Variants in AEBP2 observed in about 807,000 individuals in gnomAD.
AEBP2 encodes the protein zinc finger protein AEBP2.
In AEBP2, 10 loss-of-function variants were observed where a neutral mutation model predicts 50.8. The ratio of observed to expected loss-of-function variants is 0.20; its 90% CI spans 0.12 to 0.33. AEBP2 has a LOEUF of 0.33. Ranked by LOEUF, AEBP2 falls within the 10% of genes least tolerant of loss-of-function variation. AEBP2 has a pLI of 1.00. For missense variants in AEBP2, 570 were observed against 688.0 expected (o/e 0.83, Z 1.92); for synonymous variants, 296 against 261.3 (o/e 1.13, Z -1.28).
At chr12:19,493,595 T>C (rs17280414) in intron 3 of AEBP2, among the ~76,000 whole-genome samples, 10,969 of 152,242 alleles carry the variant, frequency 0.072, 502 homozygotes, top group Middle Eastern at 0.17. Context: ...TTGTTGCATT[T>C]TCAAGCTTTG....
intron 3 of AEBP2, among the ~76,000 whole-genome samples, chr12:19,485,215 C>G (rs1948788538): frequency 6.6e-6 from 1 of 151,654 alleles, no homozygotes; most frequent in African/African-American, 2.4e-5. Flanking sequence ...TTTGTTTTTT[C>G]CAAATCCTCT....
chr12:19,500,892 A>T (rs1188901584), intron 5 of AEBP2, among the ~76,000 whole-genome samples: 1 of 152,218 alleles, frequency 6.6e-6, no homozygotes, highest in African/African-American at 2.4e-5. Context: ...ATAGAGAGTT[A>T]TTCTTTCTTC....
intron 1 of AEBP2, chr12:19,456,913 G>A (rs1948279478): frequency 1.3e-5 from 18 of 1,438,332 alleles, no homozygotes; most frequent in Non-Finnish European, 1.8e-5. Flanking sequence ...CTTGTTAGTT[G>A]GATGAGTTGG....
At chr12:19,483,478 G>A (rs1948760737) in intron 3 of AEBP2, among the ~76,000 whole-genome samples, 2 of 152,036 alleles carry the variant, frequency 1.3e-5, no homozygotes, top group South Asian at 4.2e-4. Flanking sequence ...TCTTTGAAAG[G>A]ATCTGTGAAT....
At chr12:19,483,792 T>C (rs984354563) in intron 3 of AEBP2, among the ~76,000 whole-genome samples, 2 of 152,218 alleles carry the variant, frequency 1.3e-5, no homozygotes, top group South Asian at 2.1e-4. Flanking sequence ...TTGTTACAAA[T>C]AGTGCTATAG....
intron 1 of AEBP2, among the ~76,000 whole-genome samples, chr12:19,446,683 G>A (rs1179212199): frequency 6.7e-6 from 1 of 149,478 alleles, no homozygotes; most frequent in Admixed American, 6.8e-5. Context: ...AGTGAGCAGA[G>A]TTTGCGCCAC....
chr12:19,487,309 A>T (rs1048832995), intron 3 of AEBP2, among the ~76,000 whole-genome samples: 1 of 152,140 alleles, frequency 6.6e-6, no homozygotes, highest in Non-Finnish European at 1.5e-5. Flanking sequence ...CATAATTTAT[A>T]TACATAAAAT....
At position 19,479,086 on chromosome 12, in the gene AEBP2, G is replaced by C. The variant is rs116133075; in HGVS notation, c.987+5731G>C. ...TAGTTGAACATGGTGGTGCACACTT[G>C]TAGTCCTAGCTATGCGGGAGGCTGA... On this transcript the variant is annotated intron_variant, in intron 3 of 7. Transcript: ENST00000266508. Among the ~76,000 whole-genome samples the C allele has an allele frequency of 5.2e-3, 799 of 152,234 alleles. 6 individuals are homozygous for C. Among genetic ancestry groups the C allele is most frequent in the African/African-American group, 0.018 (763 of 41,550 alleles).
chr12:19,439,056 G>A (rs1203400231), upstream of AEBP2, among the ~76,000 whole-genome samples: 1 of 152,194 alleles, frequency 6.6e-6, no homozygotes, highest in African/African-American at 2.4e-5. Context: ...ATCTCCAGGG[G>A]TATTCAAACA....
At position 19,446,086 on chromosome 12, in the gene AEBP2, A is replaced by G. The variant is rs189993085; in HGVS notation, c.671+5716A>G. On this transcript the variant is annotated intron_variant, in intron 1 of 7. Coordinates refer to ENST00000266508, the MANE Select transcript of AEBP2 (RefSeq NM_153207.5). The stretch of plus-strand genomic sequence containing the variant: ...TTATCTATTGGTAAAAAGTTTTGGA[A>G]TAAGTTTTCTAGTAATGGCAGTGGT... 5.3e-4 allele frequency: 69 copies of G among 129,992 alleles called. 1 individual carries two copies. Among genetic ancestry groups the G allele is most frequent in the Admixed American group, 2.4e-3 (32 of 13,262 alleles). The allele number at this position is 129,992 out of a possible 1,614,324, so 8.1% of individuals were successfully genotyped here.
intron 3 of AEBP2, among the ~76,000 whole-genome samples, chr12:19,491,992 C>CAATT (rs201723033): frequency 0.017 from 2,572 of 152,138 alleles, 75 homozygotes; most frequent in African/African-American, 0.058. Context: ...ATTTTAGCAG[C>CAATT]TTACAATTGG....
intron 1 of AEBP2, among the ~76,000 whole-genome samples, chr12:19,457,898 AAC>A (rs1390798175): frequency 2.0e-5 from 3 of 152,290 alleles, no homozygotes; most frequent in African/African-American, 7.2e-5. Context: ...AAGTTTGAGA[AAC>A]ACTGCTTTAG....
chr12:19,443,332 A>G (rs2163224), intron 1 of AEBP2, among the ~76,000 whole-genome samples: 44,200 of 151,144 alleles, frequency 0.29, 7,564 homozygotes, highest in African/African-American at 0.49. Flanking sequence ...CTTGACCTCA[A>G]ATGATCCTCC....
chr12:19,509,385 A>T (rs1205799856), intron 5 of AEBP2: 1 of 172,376 alleles, frequency 5.8e-6, no homozygotes, highest in African/African-American at 2.4e-5. Context: ...TCTTAATAAT[A>T]ACATGGCTTT....
At chr12:19,488,902 G>C (rs751068921) in intron 3 of AEBP2, among the ~76,000 whole-genome samples, 8 of 152,066 alleles carry the variant, frequency 5.3e-5, no homozygotes. Flanking sequence ...CTATTCTCCT[G>C]CTTCATCCTC....
chr12:19,481,282 T>A (rs1948726291), intron 3 of AEBP2, among the ~76,000 whole-genome samples: 1 of 151,170 alleles, frequency 6.6e-6, no homozygotes, highest in South Asian at 2.1e-4. Flanking sequence ...TGTATTTTTT[T>A]AGTAGAGGCA....
chr12:19,446,616 C>T (rs1188808656), intron 1 of AEBP2, among the ~76,000 whole-genome samples: 1 of 151,950 alleles, frequency 6.6e-6, no homozygotes. Flanking sequence ...CCTGTAGTCC[C>T]AGCTACTTGG....
At position 19,440,008 on chromosome 12, in the gene AEBP2, C is replaced by T. The variant is rs915731722; in HGVS notation, c.309C>T (p.Asp103=). The T allele has an allele frequency of 1.3e-6, 2 of 1,520,148 alleles. No homozygotes were observed. The highest frequency in any genetic ancestry group is 1.8e-6 in the Non-Finnish European group (2 of 1,140,188). The allele number at this position is 1,520,148 out of a possible 1,614,324, so 94.2% of individuals were successfully genotyped here. A position where few individuals can be genotyped will look rare whatever the true frequency, so the allele number is the denominator to read the frequency against. The part of the protein sequence containing the change: ...AGEDEDEEED[D]EEEEDESSSS... ...AGGACGAAGACGAGGAGGAGGACGA[C>T]GAGGAGGAGGAAGATGAGAGCAGCA... is the stretch of plus-strand genomic sequence containing the variant. Residue 103 remains aspartate, a synonymous_variant, in exon 1 of 8, where the codon GAC becomes GAT. Coordinates refer to ENST00000266508, the MANE Select transcript of AEBP2 (RefSeq NM_153207.5).
intron 1 of AEBP2, among the ~76,000 whole-genome samples, chr12:19,412,746 C>A (rs910576236): frequency 6.6e-6 from 1 of 152,140 alleles, no homozygotes; most frequent in African/African-American, 2.4e-5. Flanking sequence ...GGGTCCCGAA[C>A]AAGACCCTAA....
Sources: allele counts gnomAD v4.1 joint callset (sites outside exome capture counted in the v4.1 genomes callset), GRCh38; gene constraint gnomAD v4.1.1; transcripts MANE v1.5; gene names NCBI Gene and HGNC (gene_info 2026-07-23, HGNC 2026-07-21).